Variants in GRXCR1 observed in about 807,000 individuals in gnomAD.
GRXCR1 encodes the protein glutaredoxin domain-containing cysteine-rich protein 1.
In GRXCR1, 27 loss-of-function variants were observed where a neutral mutation model predicts 27.3. That is an observed-to-expected ratio of 0.99 (90% CI 0.73 to 1.37). GRXCR1 has a LOEUF of 1.37. Ranked by LOEUF, GRXCR1 falls within the 40% of genes most tolerant of loss-of-function variation. GRXCR1 has a pLI of 0.00. For synonymous variants in GRXCR1, 122 were observed against 131.1 expected, an observed-to-expected ratio of 0.93 and a Z score of 0.47; for missense variants, 379 against 354.4, an observed-to-expected ratio of 1.07 and a Z score of -0.56.
intron 3 of GRXCR1, among the ~76,000 whole-genome samples, chr4:43,024,565 G>A (rs1489229070): frequency 6.6e-6 from 1 of 152,072 alleles, no homozygotes; most frequent in East Asian, 1.9e-4. Context: ...CATCCCATCT[G>A]GTTTAAGAAT....
rs189884142 is a variant in GRXCR1 at position 42,931,900 on chromosome 4, C to T, written c.385-30992C>T. On this transcript the variant is annotated intron_variant, in intron 1 of 3. Coordinates refer to ENST00000399770, the MANE Select transcript of GRXCR1 (RefSeq NM_001080476.3). ...ATTGACCCACAGTTCCACATGGCTG[C>T]GGAGGCCTCACAATCATGGTGGAAG... 4.2e-3 allele frequency among the ~76,000 whole-genome samples: 633 copies of T among 151,998 alleles called. 3 individuals carry two copies. Among genetic ancestry groups the T allele is most frequent in the African/African-American group, 0.014 (587 of 41,506 alleles).
At chr4:42,955,242 C>T (rs1434360978) in intron 1 of GRXCR1, among the ~76,000 whole-genome samples, 1 of 151,998 alleles carries the variant, frequency 6.6e-6, no homozygotes, top group East Asian at 1.9e-4. Context: ...ATATCTCTCC[C>T]TCACCCATCT....
intron 1 of GRXCR1, among the ~76,000 whole-genome samples, chr4:42,949,564 C>T (rs550919398): frequency 6.6e-5 from 10 of 152,218 alleles, no homozygotes; most frequent in African/African-American, 1.9e-4. Flanking sequence ...CTGTCACATA[C>T]TTCTCTGTGC....
chr4:43,017,659 G>A (rs915353887), intron 2 of GRXCR1, among the ~76,000 whole-genome samples: 1 of 152,114 alleles, frequency 6.6e-6, no homozygotes, highest in Non-Finnish European at 1.5e-5. Flanking sequence ...TGTCGTGGAG[G>A]TCTTGATAAA....
intron 1 of GRXCR1, among the ~76,000 whole-genome samples, chr4:42,955,059 A>G (rs1182891834): frequency 1.3e-5 from 2 of 152,108 alleles, no homozygotes; most frequent in Admixed American, 6.6e-5. Flanking sequence ...TACTAGGCCC[A>G]CAGCCCTGCT....
chr4:43,015,032 G>C (rs898927270), intron 2 of GRXCR1, among the ~76,000 whole-genome samples: 1 of 152,146 alleles, frequency 6.6e-6, no homozygotes, highest in Non-Finnish European at 1.5e-5. Context: ...GGTTTGAAAG[G>C]ATGCATACGA....
intron 1 of GRXCR1, among the ~76,000 whole-genome samples, chr4:42,941,160 G>A (rs1014036): frequency 0.17 from 25,467 of 151,036 alleles, 2,422 homozygotes; most frequent in South Asian, 0.3. Context: ...ACCTCACTGA[G>A]TTGTTGTGAG....
chr4:42,954,650 T>C (rs1747957491), intron 1 of GRXCR1, among the ~76,000 whole-genome samples: 1 of 152,188 alleles, frequency 6.6e-6, no homozygotes. Context: ...AGTCATGTGA[T>C]AAATAATTAT....
At chr4:42,897,357 A>G (rs1282136034) in intron 1 of GRXCR1, among the ~76,000 whole-genome samples, 1 of 152,076 alleles carries the variant, frequency 6.6e-6, no homozygotes, top group African/African-American at 2.4e-5. Flanking sequence ...AGAATATTGT[A>G]CTGTCATTTC....
chr4:43,011,290 T>G (rs1165575527), intron 2 of GRXCR1, among the ~76,000 whole-genome samples: 1 of 152,242 alleles, frequency 6.6e-6, no homozygotes, highest in Non-Finnish European at 1.5e-5. Flanking sequence ...GAGAACTTTA[T>G]AGACTGAATC....
chr4:42,946,559 A>T (rs900780854), intron 1 of GRXCR1, among the ~76,000 whole-genome samples: 3 of 152,164 alleles, frequency 2.0e-5, no homozygotes, highest in Non-Finnish European at 4.4e-5. Context: ...AACAAAATTT[A>T]TTTTTCACAG....
intron 1 of GRXCR1, among the ~76,000 whole-genome samples, chr4:42,910,275 G>A (rs1746691769): frequency 6.6e-6 from 1 of 152,036 alleles, no homozygotes; most frequent in Non-Finnish European, 1.5e-5. Context: ...ATTTGGGTGG[G>A]GACACAAAGC....
intron 1 of GRXCR1, among the ~76,000 whole-genome samples, chr4:42,958,284 A>G (rs1471174492): frequency 6.6e-6 from 1 of 152,058 alleles, no homozygotes; most frequent in East Asian, 1.9e-4. Flanking sequence ...AATAAACCCA[A>G]CTACACAAGG....
intron 2 of GRXCR1, among the ~76,000 whole-genome samples, chr4:42,977,013 T>C (rs1297539538): frequency 6.6e-6 from 1 of 152,060 alleles, no homozygotes; most frequent in Non-Finnish European, 1.5e-5. Context: ...TTCTACTCTC[T>C]ACTTTTATAA....
At chr4:43,011,280 G>A (rs931204731) in intron 2 of GRXCR1, among the ~76,000 whole-genome samples, 2 of 152,182 alleles carry the variant, frequency 1.3e-5, no homozygotes, top group African/African-American at 4.8e-5. Context: ...TCTCATGAAG[G>A]AGAACTTTAT....
intron 1 of GRXCR1, among the ~76,000 whole-genome samples, chr4:42,949,354 C>CAAAAAAAA (rs10622265): frequency 1.2e-5 from 1 of 81,148 alleles, no homozygotes; most frequent in Non-Finnish European, 2.3e-5. Flanking sequence ...GACTCCATCT[C>CAAAAAAAA]AAAAAAAAAA....
At chr4:42,929,974 C>T (rs915260785) in intron 1 of GRXCR1, among the ~76,000 whole-genome samples, 2 of 151,956 alleles carry the variant, frequency 1.3e-5, no homozygotes, top group African/African-American at 2.4e-5. Context: ...TAAGACCACA[C>T]TGTTGATTGA....
At chr4:43,022,409 T>G (rs902459537) in intron 3 of GRXCR1, among the ~76,000 whole-genome samples, 2 of 152,202 alleles carry the variant, frequency 1.3e-5, no homozygotes, top group Non-Finnish European at 2.9e-5. Context: ...AGATAATCTC[T>G]CTCTCTCCAT....
chr4:42,992,593 A>C (rs1712009953), intron 2 of GRXCR1, among the ~76,000 whole-genome samples: 1 of 152,124 alleles, frequency 6.6e-6, no homozygotes, highest in Non-Finnish European at 1.5e-5. Flanking sequence ...TGTTTACATT[A>C]TATTTCATAT....
Sources: gnomAD v4.1 joint callset for allele counts (sites outside exome capture counted in the v4.1 genomes callset) on GRCh38, gnomAD v4.1.1 for gene constraint, MANE v1.5 for transcripts, NCBI Gene and HGNC (gene_info 2026-07-23, HGNC 2026-07-21) for gene names.